Variants in PRKDC observed in about 807,000 individuals in gnomAD.
PRKDC encodes DNA-dependent protein kinase catalytic subunit.
In PRKDC, 82 loss-of-function variants were observed where a neutral mutation model predicts 486.9. The ratio of observed to expected loss-of-function variants is 0.17; its 90% CI spans 0.14 to 0.20. PRKDC has a LOEUF of 0.20. Ranked by LOEUF, PRKDC falls within the 10% of genes least tolerant of loss-of-function variation. The probability of loss-of-function intolerance (pLI) is 1.00; values close to 1 mark genes in which losing one functional copy is unlikely to be tolerated. For synonymous variants in PRKDC, 1,895 were observed against 1,837.0 expected, an observed-to-expected ratio of 1.03 and a Z score of -0.81; for missense variants, 4,504 against 5,038.2, an observed-to-expected ratio of 0.89 and a Z score of 3.21.
rs566770434 is a variant in PRKDC at position 47,867,064 on chromosome 8, A to G, written c.5364-2301T>C. 2.0e-5 allele frequency among the ~76,000 whole-genome samples: 3 copies of G among 152,312 alleles called. No individual in the cohort carries two copies. In the South Asian group the frequency reaches 6.2e-4, roughly 32 times the overall value. On this transcript the variant is annotated intron_variant, in intron 40 of 85. Transcript: ENST00000314191. ...CCCTGTGGCATTATGTTTAACAGCA[A>G]AAGATTGAACCCAGAAGTCCATTGG...
Position 47,893,232 on chromosome 8 carries a change from C to G in PRKDC, c.3754G>C (p.Ala1252Pro), listed in dbSNP as rs756923475. 2 of 1,612,806 alleles carry G rather than the reference C, an allele frequency of 1.2e-6. No individual in the cohort carries two copies. Among genetic ancestry groups the G allele is most frequent in the African/African-American group, 2.7e-5 (2 of 75,030 alleles). ...LYLRGPFSLQ[A>P]TLCWLDLLLA... is the part of the protein sequence containing the mutation. Reference sequence around the variant, plus strand: ...AGCAGGTCCAGCCAGCATAGCGTGGCCTGCAGGCTGAATGGCCCCCGAAGG... The same window carrying G: ...AGCAGGTCCAGCCAGCATAGCGTGGGCTGCAGGCTGAATGGCCCCCGAAGG... Residue 1252 changes from alanine (A) to proline (P), a missense_variant, in exon 31 of 86, where the codon GCC (alanine) becomes CCC (proline). Coordinates refer to ENST00000314191, the MANE Select transcript of PRKDC (RefSeq NM_006904.7).
intron 68 of PRKDC, among the ~76,000 whole-genome samples, chr8:47,812,978 T>G (rs1285835895): frequency 6.6e-6 from 1 of 151,800 alleles, no homozygotes; most frequent in Non-Finnish European, 1.5e-5. Flanking sequence ...ATGACTTTGA[T>G]GAAATGGACA....
chr8:47,858,194 C>A (rs940242977), intron 48 of PRKDC, among the ~76,000 whole-genome samples: 1 of 151,842 alleles, frequency 6.6e-6, no homozygotes, highest in African/African-American at 2.4e-5. Flanking sequence ...CTCCACCCCC[C>A]GCTTTTTTTT....
chr8:47,937,550 T>C (rs2090372974), intron 11 of PRKDC, among the ~76,000 whole-genome samples: 1 of 152,190 alleles, frequency 6.6e-6, no homozygotes, highest in Non-Finnish European at 1.5e-5. Context: ...CTAATGTAAT[T>C]GCTCAATTTC....
Position 47,862,455 on chromosome 8 carries a change from T to G in PRKDC, c.5837A>C (p.Asn1946Thr). 6.2e-7 allele frequency: 1 copy of G among 1,613,956 alleles called. No individual in the cohort carries two copies. The highest frequency in any genetic ancestry group is 8.5e-7 in the Non-Finnish European group (1 of 1,179,840). The change falls in exon 43 of 86, where the codon AAC (asparagine) becomes ACC (threonine). Residue 1946 changes from asparagine to threonine, a missense_variant. By Grantham distance (65) the Asn-to-Thr change is moderately conservative. Transcript: ENST00000314191. Reference sequence around the variant, plus strand: ...ACAGCAGATGACAGATATGGCGCAGTTGTATGCTGCACAATGGTAAAGTCT... The same window carrying G: ...ACAGCAGATGACAGATATGGCGCAGGTGTATGCTGCACAATGGTAAAGTCT... ...RRRLYHCAAY[N>T]CAISVICCVF...
intron 84 of PRKDC, among the ~76,000 whole-genome samples, chr8:47,777,199 G>C (rs1426358750): frequency 6.6e-6 from 1 of 151,640 alleles, no homozygotes; most frequent in Non-Finnish European, 1.5e-5. Context: ...CCAAATAAAG[G>C]TTTTGCCTGT....
At position 47,935,818 on chromosome 8, in the gene PRKDC, T is replaced by A. The variant is rs555249049; in HGVS notation, c.1361A>T (p.Gln454Leu). Residue 454 changes from glutamine (Q) to leucine (L), a missense_variant, in exon 13 of 86, where the codon CAG becomes CTG. By Grantham distance (113) the Gln-to-Leu change is moderately radical (BLOSUM62 -2). Coordinates refer to ENST00000314191, the MANE Select transcript of PRKDC (RefSeq NM_006904.7). ...CACTATGGCTCTGCAACACACCAGC[T>A]GCATTTTTGGACTGTACTGTGGGAA... ...DSFPQYSPKM[Q>L]LVCCRAIVKV... The A allele has an allele frequency of 6.2e-7, 1 of 1,614,022 alleles. No individual in the cohort carries two copies.
rs550894412 is a variant in PRKDC, at chr8:47,791,390, G to T, written c.10671-2152C>A. On this transcript the variant is annotated intron_variant, in intron 74 of 85. Transcript: ENST00000314191. ...CTCAGGAGGCTGAGGCAGGAGAATC[G>T]CTTGAACCCGGGAGGCGCAGGTTGC... 9.2e-5 allele frequency among the ~76,000 whole-genome samples: 14 copies of T among 152,216 alleles called. No homozygotes were observed. In the East Asian group the frequency reaches 2.5e-3, roughly 27 times the overall value.
At chr8:47,821,906 C>A in intron 64 of PRKDC, 114 bp from the exon 65 acceptor site, 2 of 993,130 alleles carry the variant, frequency 2.0e-6, no homozygotes, top group African/African-American at 1.7e-5. Flanking sequence ...TTCAGATTTA[C>A]GGAAAGGAGA....
chr8:47,933,070 C>T lies in PRKDC; in HGVS notation c.1726G>A (p.Val576Ile). The stretch of plus-strand genomic sequence containing the variant: ...TCAAGTGTAAGATCCAATTTCTCAA[C>T]AATCTTCAAAACGGATTTTACAAAT... ...DEFVKSVLKI[V>I]EKLDLTLEIQ... Residue 576 changes from valine to isoleucine, a missense_variant, in exon 16 of 86, where the codon GTT becomes ATT. Physicochemically the swap from Val to Ile is conservative, Grantham distance 29. Transcript: ENST00000314191. 6.3e-7 allele frequency: 1 copy of T among 1,596,358 alleles called. No homozygotes were observed. The highest frequency in any genetic ancestry group is 8.5e-7 in the Non-Finnish European group (1 of 1,173,128).
chr8:47,933,648 C>T (rs2090297131), intron 15 of PRKDC, among the ~76,000 whole-genome samples: 1 of 152,124 alleles, frequency 6.6e-6, no homozygotes, highest in Non-Finnish European at 1.5e-5. Flanking sequence ...ACATATATAT[C>T]CATCCTCAGG....
chr8:47,844,421 G>T (rs1418173420), intron 54 of PRKDC, among the ~76,000 whole-genome samples: 2 of 152,142 alleles, frequency 1.3e-5, no homozygotes, highest in African/African-American at 4.8e-5. Flanking sequence ...TCTATGAAGA[G>T]ACTTACACAG....
chr8:47,800,168 T>C (rs1208429675), intron 71 of PRKDC, among the ~76,000 whole-genome samples: 24 of 151,446 alleles, frequency 1.6e-4, no homozygotes, highest in East Asian at 2.0e-4. Flanking sequence ...CGTATGTTTA[T>C]TGCGGCACTA....
rs531214627 is a variant in PRKDC, at chr8:47,933,266, C to G, written c.1624-94G>C. 2.1e-5 allele frequency: 22 copies of G among 1,030,064 alleles called. No individual in the cohort carries two copies. The African/African-American group carries it at 3.7e-4, about 17-fold the overall frequency. 63.8% of individuals were successfully genotyped at this position (1,030,064 alleles called of 1,614,324 possible). On this transcript the variant is annotated intron_variant, in intron 15 of 85. Transcript: ENST00000314191. ...AAGACACATACACAGATGTATGTGC[C>G]GGTTTGGGTATTATGGAAACAGTGA...
At chr8:47,830,859 C>T in intron 60 of PRKDC, 123 bp from the exon 61 acceptor site, 3 of 1,197,608 alleles carry the variant, frequency 2.5e-6, no homozygotes, top group Non-Finnish European at 3.6e-6. Context: ...AACTGATGCT[C>T]GCAGAGGCTC....
chr8:47,935,141 A>G, intron 13 of PRKDC, 83 bp from the exon 14 acceptor site: 3 of 993,908 alleles, frequency 3.0e-6, no homozygotes, highest in Non-Finnish European at 1.5e-6. Flanking sequence ...AACAGTCATT[A>G]TATTTTGGAA....
Position 47,782,268 on chromosome 8 carries a change from TA to T in PRKDC, c.11397-15del, listed in dbSNP as rs1423668257. 2 of 1,612,954 alleles carry T rather than the reference TA, an allele frequency of 1.2e-6. No individual in the cohort carries two copies. The highest frequency in any genetic ancestry group is 1.7e-6 in the Non-Finnish European group (2 of 1,178,964). On this transcript the variant is annotated splice_polypyrimidine_tract_variant and intron_variant, in intron 79 of 85. Transcript: ENST00000314191. This position sits in a 1 kb window ranked among gnomAD's most constrained non-coding sequence, Gnocchi z 4.9. ...ATTAATCCTAACCTGAAAGGGAGAA[TA>T]AAAGGTTAACGAGTAAACCCAAACT...
chr8:47,848,755 A>T (rs1334524314), intron 54 of PRKDC, among the ~76,000 whole-genome samples: 1 of 152,250 alleles, frequency 6.6e-6, no homozygotes, highest in Non-Finnish European at 1.5e-5. Flanking sequence ...TTCTCTTTTA[A>T]CATATACTTT....
At chr8:47,829,832 C>A (rs1275512010) in intron 61 of PRKDC, among the ~76,000 whole-genome samples, 1 of 152,150 alleles carries the variant, frequency 6.6e-6, no homozygotes, top group African/African-American at 2.4e-5. Flanking sequence ...GCATCAATAT[C>A]GTTAAAATGG....
Sources: allele counts gnomAD v4.1 joint callset (sites outside exome capture counted in the v4.1 genomes callset), GRCh38; gene constraint gnomAD v4.1.1; non-coding constraint Gnocchi (gnomAD v3.1); transcripts MANE v1.5; gene names NCBI Gene and HGNC (gene_info 2026-07-23, HGNC 2026-07-21).